Variants in LRRTM4 observed in about 807,000 individuals in gnomAD.
LRRTM4 encodes the protein leucine rich repeat transmembrane neuronal 4.
In LRRTM4, 25 loss-of-function variants were observed where a neutral mutation model predicts 47.6. The ratio of observed to expected loss-of-function variants is 0.53; its 90% confidence interval spans 0.38 to 0.73. The LOEUF (loss-of-function observed/expected upper bound fraction) is 0.73, where lower values mean the gene tolerates loss of function less well. Among genes scored for constraint, LRRTM4 ranks in the 30% least tolerant of loss-of-function variants. The pLI is 0.00. For synonymous variants in LRRTM4, 311 were observed against 269.5 expected (o/e 1.15, Z -1.51); for missense variants, 638 against 713.4 (o/e 0.89, Z 1.20).
In LRRTM4 at chr2:76,748,972, G is replaced by C. The variant is rs537008907; in HGVS notation, c.1552-56C>G. The stretch of plus-strand genomic sequence containing the variant: ...TTATAAAATTGCTTTGGAAAGATAG[G>C]ACAGCACTCATCAGGTTGTATTTTT... On this transcript the variant is annotated intron_variant, in intron 3 of 3. Coordinates refer to ENST00000409884, the MANE Select transcript of LRRTM4 (RefSeq NM_001134745.3). The C allele has an allele frequency of 1.8e-4, 248 of 1,404,130 alleles. 3 individuals carry two copies. The South Asian group carries it at 2.8e-3, about 16-fold the overall frequency. 87.0% of individuals were successfully genotyped at this position (1,404,130 alleles called of 1,614,324 possible).
chr2:76,959,676 A>G (rs957982592), intron 3 of LRRTM4, among the ~76,000 whole-genome samples: 4 of 151,750 alleles, frequency 2.6e-5, no homozygotes, highest in African/African-American at 9.7e-5. Flanking sequence ...AGGTAACTTA[A>G]GCATGTGGCA....
chr2:77,320,564 G>T (rs1253892240), intron 3 of LRRTM4, among the ~76,000 whole-genome samples: 2 of 152,066 alleles, frequency 1.3e-5, no homozygotes, highest in Non-Finnish European at 2.9e-5. Flanking sequence ...CTGACCAGAA[G>T]AAGAACATCA....
At chr2:76,894,724 G>A (rs1260837071) in intron 3 of LRRTM4, among the ~76,000 whole-genome samples, 3 of 151,728 alleles carry the variant, frequency 2.0e-5, no homozygotes. Flanking sequence ...TTCAACCCTG[G>A]AAAACTGACT....
chr2:77,519,463 G>A lies in LRRTM4; in HGVS notation c.406C>T (p.Arg136Cys), dbSNP rs1427573465. Residue 136 changes from arginine (R) to cysteine (C), a missense_variant, in exon 3 of 4, where the codon CGC becomes TGC. Arg to Cys is a radical substitution (Grantham distance 180). Coordinates refer to ENST00000409884, the MANE Select transcript of LRRTM4 (RefSeq NM_001134745.3). This position sits in a 1 kb window ranked among gnomAD's most constrained non-coding sequence, Gnocchi z 4.6. ...TTATTGTAGGAGAGGTCCAGATTGC[G>A]GAGATTGGGAACTGGGTGAAATGTT... ...NKTFHPVPNL[R>C]NLDLSYNKLQ... 5 of 1,613,438 alleles carry A rather than the reference G, an allele frequency of 3.1e-6. No homozygotes were observed. Among genetic ancestry groups the A allele is most frequent in the Non-Finnish European group, 3.4e-6 (4 of 1,179,628 alleles).
chr2:77,354,754 C>T (rs557459743), intron 3 of LRRTM4, among the ~76,000 whole-genome samples: 1 of 152,132 alleles, frequency 6.6e-6, no homozygotes, highest in East Asian at 1.9e-4. Flanking sequence ...CTTCCACACT[C>T]GTCAGCCATT....
At chr2:77,124,325 T>C (rs570476835) in intron 3 of LRRTM4, among the ~76,000 whole-genome samples, 4 of 152,116 alleles carry the variant, frequency 2.6e-5, no homozygotes, top group East Asian at 3.9e-4. Flanking sequence ...CCAAGTTAAA[T>C]ACACACAGGA....
chr2:77,189,144 G>A (rs985863287), intron 3 of LRRTM4, among the ~76,000 whole-genome samples: 1 of 151,966 alleles, frequency 6.6e-6, no homozygotes, highest in Non-Finnish European at 1.5e-5. Context: ...GAAATAAAGT[G>A]CTTTTAGTAA....
intron 3 of LRRTM4, among the ~76,000 whole-genome samples, chr2:76,750,000 T>C (rs1672794267): frequency 6.6e-6 from 1 of 152,154 alleles, no homozygotes; most frequent in Admixed American, 6.5e-5. Context: ...ATGCTGAGGT[T>C]TGGACTTTGC....
intron 3 of LRRTM4, among the ~76,000 whole-genome samples, chr2:76,793,876 A>C (rs1675113306): frequency 6.6e-6 from 1 of 152,220 alleles, no homozygotes; most frequent in Non-Finnish European, 1.5e-5. Context: ...TACAATTCGT[A>C]TGATCTAGGG....
At chr2:77,211,774 A>C (rs1450459229) in intron 3 of LRRTM4, among the ~76,000 whole-genome samples, 2 of 152,132 alleles carry the variant, frequency 1.3e-5, no homozygotes, top group Non-Finnish European at 2.9e-5. Context: ...TGAAGATTTT[A>C]AGCGAAATAT....
intron 3 of LRRTM4, among the ~76,000 whole-genome samples, chr2:76,771,537 G>T (rs531918150): frequency 6.6e-6 from 1 of 151,870 alleles, no homozygotes; most frequent in African/African-American, 2.4e-5. Flanking sequence ...CTGCCTGGAG[G>T]AGCTGAGGCT....
chr2:76,983,946 T>C (rs1018086071), intron 3 of LRRTM4, among the ~76,000 whole-genome samples: 3 of 152,088 alleles, frequency 2.0e-5, no homozygotes, highest in African/African-American at 4.8e-5. Flanking sequence ...TTTTTTAAAA[T>C]TGGATTATCA....
intron 3 of LRRTM4, among the ~76,000 whole-genome samples, chr2:76,812,700 C>CTTTCTTTCTTTCTTTCTTTCT (rs1553413502): frequency 3.0e-5 from 4 of 135,332 alleles, no homozygotes; most frequent in Admixed American, 7.7e-5. Context: ...TCTTTCTTTT[C>CTTTCTTTCTTTCTTTCTTTCT]TTTCTTTATT....
At chr2:76,881,783 T>C (rs772422516) in intron 3 of LRRTM4, among the ~76,000 whole-genome samples, 2 of 152,162 alleles carry the variant, frequency 1.3e-5, no homozygotes, top group African/African-American at 4.8e-5. Flanking sequence ...GCATATATTG[T>C]TAAACTTTTT....
chr2:77,306,807 G>C (rs889637151), intron 3 of LRRTM4, among the ~76,000 whole-genome samples: 1 of 151,644 alleles, frequency 6.6e-6, no homozygotes, highest in African/African-American at 2.4e-5. Context: ...AATTAATGAG[G>C]TGAAATGTTT....
intron 3 of LRRTM4, among the ~76,000 whole-genome samples, chr2:76,762,888 T>G (rs1673308170): frequency 6.6e-6 from 1 of 152,180 alleles, no homozygotes; most frequent in Admixed American, 6.5e-5. Context: ...AGTTTGTGTT[T>G]AAATAACATA....
At chr2:76,873,457 ATAACG>A (rs1402097477) in intron 3 of LRRTM4, among the ~76,000 whole-genome samples, 2 of 142,268 alleles carry the variant, frequency 1.4e-5, no homozygotes, top group African/African-American at 5.5e-5. Flanking sequence ...GTATATATAT[ATAACG>A]TGTGTGTGTG....
chr2:77,459,585 A>G (rs574294783), intron 3 of LRRTM4, among the ~76,000 whole-genome samples: 1 of 151,002 alleles, frequency 6.6e-6, no homozygotes, highest in East Asian at 2.0e-4. Flanking sequence ...ACACTACATC[A>G]TATAATGAAA....
At chr2:77,515,427 T>C (rs1038747362) in intron 3 of LRRTM4, among the ~76,000 whole-genome samples, 5 of 151,866 alleles carry the variant, frequency 3.3e-5, no homozygotes, top group Admixed American at 2.0e-4. Context: ...AAAATGGATA[T>C]TGTAACCATA....
Sources: allele counts gnomAD v4.1 joint callset (sites outside exome capture counted in the v4.1 genomes callset), GRCh38; gene constraint gnomAD v4.1.1; non-coding constraint Gnocchi (gnomAD v3.1); transcripts MANE v1.5; gene names NCBI Gene and HGNC (gene_info 2026-07-23, HGNC 2026-07-21).